The following RIPOR2 variants were observed in gnomAD, a reference collection of about 807,000 sequenced individuals.
The protein encoded by RIPOR2 is RHO family interacting cell polarization regulator 2, also known as rho family-interacting cell polarization regulator 2.
In RIPOR2, 39 loss-of-function variants were observed where a neutral mutation model predicts 114.5. That is an observed-to-expected ratio of 0.34 (90% confidence interval 0.26 to 0.44). The LOEUF is 0.44. Among genes scored for constraint, RIPOR2 ranks in the 20% least tolerant of loss-of-function variants. RIPOR2 has a pLI of 1.00. For missense variants in RIPOR2, 1,007 were observed against 1,255.1 expected, an observed-to-expected ratio of 0.80 and a Z score of 2.99; for synonymous variants, 445 against 484.4, an observed-to-expected ratio of 0.92 and a Z score of 1.07.
chr6:24,918,663 A>G (rs1017117725), intron 1 of RIPOR2, among the ~76,000 whole-genome samples: 9 of 152,170 alleles, frequency 5.9e-5, no homozygotes. Context: ...AGCCTGATTT[A>G]TATCTGGAAC....
chr6:24,867,176 T>A (rs1562285711), intron 6 of RIPOR2, among the ~76,000 whole-genome samples: 1 of 152,244 alleles, frequency 6.6e-6, no homozygotes, highest in African/African-American at 2.4e-5. Flanking sequence ...AAAAGAATCA[T>A]CTTTAATCTT....
intron 1 of RIPOR2, among the ~76,000 whole-genome samples, chr6:24,964,483 T>C (rs991596018): frequency 1.3e-5 from 2 of 152,334 alleles, no homozygotes; most frequent in Non-Finnish European, 2.9e-5. Flanking sequence ...CCCTCCTTTT[T>C]ATTGCTGAGT....
intron 1 of RIPOR2, among the ~76,000 whole-genome samples, chr6:25,028,388 G>T (rs1208232255): frequency 6.6e-6 from 1 of 152,184 alleles, no homozygotes; most frequent in Admixed American, 6.5e-5. Flanking sequence ...TTGAGTCCTA[G>T]TTCCAGCAGT....
chr6:24,867,911 A>G (rs969576152), intron 6 of RIPOR2, among the ~76,000 whole-genome samples: 1 of 152,208 alleles, frequency 6.6e-6, no homozygotes, highest in African/African-American at 2.4e-5. Context: ...TTTGAAAACC[A>G]TTGGGATTGT....
chr6:25,032,680 T>A (rs544175640), intron 1 of RIPOR2, among the ~76,000 whole-genome samples: 50 of 152,270 alleles, frequency 3.3e-4, no homozygotes, highest in Non-Finnish European at 5.3e-4. Context: ...ACATCAGGCC[T>A]CCATAAGTAA....
At chr6:24,895,482 C>T (rs777224538) in intron 1 of RIPOR2, among the ~76,000 whole-genome samples, 24 of 151,708 alleles carry the variant, frequency 1.6e-4, no homozygotes, top group Non-Finnish European at 3.5e-4. Flanking sequence ...TCTCCATACA[C>T]ACAGCATGCA....
intron 1 of RIPOR2, among the ~76,000 whole-genome samples, chr6:24,980,321 T>C (rs1436356602): frequency 6.6e-6 from 1 of 152,246 alleles, no homozygotes; most frequent in African/African-American, 2.4e-5. Flanking sequence ...GTTGCGCCTG[T>C]TATAGTGGGA....
intron 13 of RIPOR2, 45 bp downstream of exon 13, chr6:24,842,817 C>A: frequency 1.7e-6 from 2 of 1,170,768 alleles, no homozygotes; most frequent in South Asian, 5.2e-5. Flanking sequence ...TGGCTTAGGA[C>A]ACCTCTCTCC....
chr6:24,851,733 T>C (rs1317249865), intron 9 of RIPOR2, among the ~76,000 whole-genome samples: 1 of 151,584 alleles, frequency 6.6e-6, no homozygotes, highest in Non-Finnish European at 1.5e-5. Context: ...TGATCCTGGA[T>C]TGGCCCTTGG....
intron 1 of RIPOR2, among the ~76,000 whole-genome samples, chr6:24,927,504 A>G (rs1458677101): frequency 6.6e-6 from 1 of 151,982 alleles, no homozygotes; most frequent in Non-Finnish European, 1.5e-5. Flanking sequence ...CACTACCATC[A>G]CCATCATAAC....
chr6:25,038,596 T>C (rs1420761798), intron 1 of RIPOR2, among the ~76,000 whole-genome samples: 46 of 152,202 alleles, frequency 3.0e-4, no homozygotes, highest in Admixed American at 2.9e-3. Flanking sequence ...CTTTAGTTGC[T>C]GAAGGCCTCA....
chr6:25,003,984 C>T (rs148498286), intron 1 of RIPOR2, among the ~76,000 whole-genome samples: 137 of 152,310 alleles, frequency 9.0e-4, no homozygotes, highest in African/African-American at 2.8e-3. Context: ...ATGGAAGCAG[C>T]TCTAGTGGTA....
intron 1 of RIPOR2, among the ~76,000 whole-genome samples, chr6:24,964,466 A>G (rs1773438866): frequency 6.6e-6 from 1 of 152,218 alleles, no homozygotes; most frequent in Non-Finnish European, 1.5e-5. Flanking sequence ...CGTGTGTATC[A>G]ATAGTTCCCT....
At chr6:24,970,186 G>T (rs1055181442) in intron 1 of RIPOR2, among the ~76,000 whole-genome samples, 1 of 151,820 alleles carries the variant, frequency 6.6e-6, no homozygotes, top group Non-Finnish European at 1.5e-5. Context: ...AATTGTCAGA[G>T]CACGTGGGAC....
intron 21 of RIPOR2, among the ~76,000 whole-genome samples, chr6:24,809,496 A>G (rs1268802074): frequency 6.6e-6 from 1 of 152,230 alleles, no homozygotes; most frequent in Non-Finnish European, 1.5e-5. Flanking sequence ...TCCAGACAAT[A>G]TAGTTCACTC....
At chr6:24,826,683 A>C (rs1431928780) in intron 18 of RIPOR2, among the ~76,000 whole-genome samples, 1 of 152,196 alleles carries the variant, frequency 6.6e-6, no homozygotes, top group East Asian at 1.9e-4. Context: ...TATACATTCA[A>C]ATGCGGAACT....
intron 1 of RIPOR2, among the ~76,000 whole-genome samples, chr6:24,925,955 A>G (rs1770832820): frequency 6.6e-6 from 1 of 152,230 alleles, no homozygotes; most frequent in East Asian, 1.9e-4. Context: ...TTACACACAA[A>G]TACACATAAA....
intron 11 of RIPOR2, 72 bp from the exon 12 acceptor site, chr6:24,848,226 A>G: frequency 6.8e-7 from 1 of 1,480,846 alleles, no homozygotes; most frequent in Non-Finnish European, 9.2e-7. Context: ...ACAGGCTAAG[A>G]GAGTACCTCA....
chr6:24,927,143 C>CAACTACAAT lies in RIPOR2; in HGVS notation c.61+8694_61+8695insATTGTAGTT, dbSNP rs1561782438. Among the ~76,000 whole-genome samples, 10 of 22,886 alleles carry CAACTACAAT rather than the reference C, an allele frequency of 4.4e-4. 2 individuals carry two copies. The highest frequency in any genetic ancestry group is 1.2e-3 in the Admixed American group (3 of 2,454). 15.0% of individuals were successfully genotyped at this position (22,886 alleles called of 152,430 possible). Reference sequence around the variant, plus strand: ...TATAATCATCATCTCACTACCACCACCACCACCACCACCACCACAACTACA... The same window carrying CAACTACAAT: ...TATAATCATCATCTCACTACCACCACAACTACAATCACCACCACCACCACCACAACTACA... On this transcript the variant is annotated intron_variant, in intron 1 of 21. Transcript: ENST00000643898.
Sources: allele counts gnomAD v4.1 joint callset (sites outside exome capture counted in the v4.1 genomes callset), GRCh38; gene constraint gnomAD v4.1.1; transcripts MANE v1.5; gene names NCBI Gene and HGNC (gene_info 2026-07-23, HGNC 2026-07-21).